The following STK35 variants were observed in gnomAD, a reference collection of about 807,000 sequenced individuals.
STK35 encodes serine/threonine kinase 35.
STK35 carries 17 observed loss-of-function variants against 37.3 expected under a neutral mutation model. The observed-to-expected ratio is 0.46, with a 90% confidence interval of 0.31 to 0.68. The LOEUF is 0.68. Ranked by LOEUF, STK35 falls within the 30% of genes least tolerant of loss-of-function variation. STK35 has a pLI of 0.05. For synonymous variants in STK35, 385 were observed against 319.1 expected, an observed-to-expected ratio of 1.21 and a Z score of -2.20; for missense variants, 595 against 746.7, an observed-to-expected ratio of 0.80 and a Z score of 2.37.
At position 2,101,965 on chromosome 20, in the gene STK35, G is replaced by A. The variant is rs1224797546; in HGVS notation, c.84G>A (p.Trp28Ter). ...YVKRLCKGLS[W>*]REHVESHGSL... ...AGAGGTTATGTAAAGGGCTCAGCTGGCGCGAACACGTGGAAAGCCACGGGA... is the reference window on the plus strand; with the variant it reads ...AGAGGTTATGTAAAGGGCTCAGCTGACGCGAACACGTGGAAAGCCACGGGA... The change falls in exon 1 of 4, where the codon TGG (tryptophan) becomes TGA (stop). Residue 28 changes from tryptophan (W) to a stop codon, truncating the protein, a stop_gained. Transcript: ENST00000381482. LOFTEE classifies it high-confidence loss of function. The A allele has an allele frequency of 2.0e-6, 3 of 1,522,996 alleles. No homozygotes were observed. Among genetic ancestry groups the A allele is most frequent in the Non-Finnish European group, 2.6e-6 (3 of 1,138,166 alleles). The allele number at this position is 1,522,996 out of a possible 1,614,324, so 94.3% of individuals were successfully genotyped here. A position where few individuals can be genotyped will look rare whatever the true frequency, so the allele number is the denominator to read the frequency against.
Position 2,146,711 on chromosome 20 carries a change from TC to T in STK35, c.*2966del, listed in dbSNP as rs1034646208. On this transcript the variant is annotated 3_prime_UTR_variant, in exon 4 of 4. Transcript: ENST00000381482. The stretch of plus-strand genomic sequence containing the variant: ...GAGAGCCACGGGGGAGGGATCACCC[TC>T]ACCCCCAACACCCTCTTCCTGAGGG... 2 of 152,606 alleles carry T rather than the reference TC, an allele frequency of 1.3e-5. No individual in the cohort carries two copies. The highest frequency in any genetic ancestry group is 4.8e-5 in the African/African-American group (2 of 41,422). 9.5% of individuals were successfully genotyped at this position (152,606 alleles called of 1,614,324 possible).
chr20:2,126,448 G>A (rs1181502415), intron 3 of STK35, among the ~76,000 whole-genome samples: 1 of 152,142 alleles, frequency 6.6e-6, no homozygotes, highest in African/African-American at 2.4e-5. Context: ...ATGCGCAGGA[G>A]CCACATCTCA....
chr20:2,142,856 G>A (rs1055739642), intron 3 of STK35, among the ~76,000 whole-genome samples: 21 of 152,212 alleles, frequency 1.4e-4, no homozygotes, highest in Admixed American at 7.9e-4. Context: ...GCACTGATCC[G>A]ATAGCTCAGA....
At chr20:2,129,420 C>A (rs1170855768) in intron 3 of STK35, among the ~76,000 whole-genome samples, 1 of 151,978 alleles carries the variant, frequency 6.6e-6, no homozygotes, top group Non-Finnish European at 1.5e-5. Context: ...TTCCTGCTGC[C>A]CTTTCATGCC....
chr20:2,128,736 G>A (rs1308631097), intron 3 of STK35, among the ~76,000 whole-genome samples: 1 of 152,160 alleles, frequency 6.6e-6, no homozygotes, highest in African/African-American at 2.4e-5. Context: ...AGTCTGAATG[G>A]TAGGGAGGTC....
intron 3 of STK35, among the ~76,000 whole-genome samples, chr20:2,132,562 T>A (rs1332243952): frequency 6.6e-6 from 1 of 152,114 alleles, no homozygotes; most frequent in Non-Finnish European, 1.5e-5. Context: ...TTTAGGCAGG[T>A]GAGTCAGTAA....
At position 2,102,950 on chromosome 20, in the gene STK35, G is replaced by T; in HGVS notation, c.477G>T (p.Ala159=). 6.7e-7 allele frequency: 1 copy of T among 1,486,600 alleles called. No homozygotes were observed. Among genetic ancestry groups the T allele is most frequent in the Middle Eastern group, 2.2e-4 (1 of 4,648 alleles). 92.1% of individuals were successfully genotyped at this position (1,486,600 alleles called of 1,614,324 possible). A position where few individuals can be genotyped will look rare whatever the true frequency, so the allele number is the denominator to read the frequency against. Residue 159 remains alanine, a synonymous_variant, in exon 2 of 4, where the codon GCG becomes GCT. Transcript: ENST00000381482. ...AAAGGCGAAGCCCAGTGCCGCGGGC[G>T]CCCAGCACGAAGCTGAGGCCGGCGG... ...ERKRRSPVPR[A]PSTKLRPAAA...
chr20:2,116,828 A>C lies in STK35; in HGVS notation c.1055A>C (p.His352Pro). The C allele has an allele frequency of 6.2e-7, 1 of 1,614,188 alleles. No individual in the cohort carries two copies. Among genetic ancestry groups the C allele is most frequent in the Non-Finnish European group, 8.5e-7 (1 of 1,180,028 alleles). Residue 352 changes from histidine (H) to proline (P), a missense_variant, in exon 3 of 4, where the codon CAC (histidine) becomes CCC (proline). Physicochemically the swap from His to Pro is moderately conservative, Grantham distance 77. Coordinates refer to ENST00000381482, the MANE Select transcript of STK35 (RefSeq NM_080836.4). ...LQLTSAIAFL[H>P]KNHIVHRDLK... ...CTGACGAGCGCCATTGCCTTCCTGC[A>C]CAAAAACCATATTGTGCACAGGGAC...
intron 3 of STK35, among the ~76,000 whole-genome samples, chr20:2,132,965 T>C (rs1487758605): frequency 6.6e-6 from 1 of 152,254 alleles, no homozygotes; most frequent in Non-Finnish European, 1.5e-5. Context: ...CTCTGTGTAT[T>C]GCCCCCATCC....
chr20:2,122,560 C>T (rs1213095916), intron 3 of STK35, among the ~76,000 whole-genome samples: 1 of 152,176 alleles, frequency 6.6e-6, no homozygotes, highest in Non-Finnish European at 1.5e-5. Context: ...GATGGAGTCT[C>T]ATATCTGCGT....
intron 3 of STK35, among the ~76,000 whole-genome samples, chr20:2,137,504 G>A (rs1233582688): frequency 3.3e-5 from 5 of 152,224 alleles, no homozygotes; most frequent in Non-Finnish European, 5.9e-5. Context: ...GGAGCACTGC[G>A]AAGCTCCTGT....
In STK35 at chr20:2,118,566, A is replaced by G. The variant is rs1985760706; in HGVS notation, c.*37+1151A>G. On this transcript the variant is annotated intron_variant, in intron 3 of 3. Coordinates refer to ENST00000381482, the MANE Select transcript of STK35 (RefSeq NM_080836.4). ...CACTGCACTCCAGCCTGGGCAACAG[A>G]GCGAGACTCCGTCTCAAAAAAAAAA... Among the ~76,000 whole-genome samples the G allele has an allele frequency of 2.7e-5, 4 of 150,430 alleles. No individual in the cohort carries two copies. The South Asian group carries it at 8.6e-4, about 32-fold the overall frequency.
At position 2,146,869 on chromosome 20, in the gene STK35, T is replaced by G. The variant is rs911889727; in HGVS notation, c.*3123T>G. The G allele has an allele frequency of 2.0e-5, 3 of 152,374 alleles. No individual in the cohort carries two copies. Among genetic ancestry groups the G allele is most frequent in the Non-Finnish European group, 4.4e-5 (3 of 68,112 alleles). The allele number at this position is 152,374 out of a possible 1,614,324, so 9.4% of individuals were successfully genotyped here. A position where few individuals can be genotyped will look rare whatever the true frequency, so the allele number is the denominator to read the frequency against. ...ACCTCTAGCCAGGAGGATGCCTCAGTCTGTTCATTCGAGACTGGCCCCGTC... is the reference window on the plus strand; with the variant it reads ...ACCTCTAGCCAGGAGGATGCCTCAGGCTGTTCATTCGAGACTGGCCCCGTC... On this transcript the variant is annotated 3_prime_UTR_variant, in exon 4 of 4. Coordinates refer to ENST00000381482, the MANE Select transcript of STK35 (RefSeq NM_080836.4).
intron 3 of STK35, among the ~76,000 whole-genome samples, chr20:2,127,678 G>A (rs1261014440): frequency 6.6e-6 from 1 of 152,090 alleles, no homozygotes; most frequent in Non-Finnish European, 1.5e-5. Context: ...GCATCTTAGG[G>A]GCCAGGGTAC....
chr20:2,112,961 A>G (rs1010058905), intron 2 of STK35, among the ~76,000 whole-genome samples: 3 of 152,216 alleles, frequency 2.0e-5, no homozygotes, highest in African/African-American at 4.8e-5. Flanking sequence ...CCAATTATAT[A>G]TCCTGAAACT....
At chr20:2,111,900 G>A (rs558738404) in intron 2 of STK35, among the ~76,000 whole-genome samples, 1 of 152,182 alleles carries the variant, frequency 6.6e-6, no homozygotes, top group East Asian at 1.9e-4. Context: ...GCAGCTGCAG[G>A]GCCTCTCGCA....
chr20:2,112,961 A>T, intron 2 of STK35, among the ~76,000 whole-genome samples: 1 of 152,216 alleles, frequency 6.6e-6, no homozygotes, highest in East Asian at 1.9e-4. Flanking sequence ...CCAATTATAT[A>T]TCCTGAAACT....
At chr20:2,109,564 G>C (rs1985578823) in intron 2 of STK35, among the ~76,000 whole-genome samples, 1 of 152,218 alleles carries the variant, frequency 6.6e-6, no homozygotes, top group Admixed American at 6.5e-5. Context: ...CAACACTAGA[G>C]AAAGGTCAGG....
At chr20:2,125,305 G>T (rs1482186028) in intron 3 of STK35, among the ~76,000 whole-genome samples, 10 of 152,154 alleles carry the variant, frequency 6.6e-5, no homozygotes, top group Non-Finnish European at 1.3e-4. Context: ...CTTGTGCAGG[G>T]CAGAGACCCT....
Sources: gnomAD v4.1 joint callset for allele counts (sites outside exome capture counted in the v4.1 genomes callset) on GRCh38, gnomAD v4.1.1 for gene constraint, MANE v1.5 for transcripts, NCBI Gene and HGNC (gene_info 2026-07-23, HGNC 2026-07-21) for gene names.